Variants in CEP135 observed in about 807,000 individuals in gnomAD.
CEP135 encodes centrosomal protein of 135 kDa.
A neutral mutation model predicts 157.3 loss-of-function variants in CEP135; 142 were observed. That is an observed-to-expected ratio of 0.90 (90% CI 0.79 to 1.04). CEP135 has a LOEUF of 1.04. Among genes scored for constraint, CEP135 ranks in the 50% least tolerant of loss-of-function variants. The probability of loss-of-function intolerance (pLI) is 0.00; values close to 1 mark genes in which losing one functional copy is unlikely to be tolerated. For synonymous variants in CEP135, 396 were observed against 439.8 expected, an observed-to-expected ratio of 0.90 and a Z score of 1.25; for missense variants, 1,317 against 1,309.2, an observed-to-expected ratio of 1.01 and a Z score of -0.09.
chr4:55,981,210 T>G lies in CEP135; in HGVS notation c.1627-17T>G, dbSNP rs767151439. ...TACTAAAGTGCCTTTTTAATTTATATCTTTTCATTCTTTAAGGCTCAGGAA... is the reference window on the plus strand; with the variant it reads ...TACTAAAGTGCCTTTTTAATTTATAGCTTTTCATTCTTTAAGGCTCAGGAA... On this transcript the variant is annotated splice_polypyrimidine_tract_variant and intron_variant, in intron 12 of 25. Transcript: ENST00000257287. The G allele has an allele frequency of 1.3e-5, 21 of 1,558,656 alleles. No individual in the cohort carries two copies. In the South Asian group the frequency reaches 2.4e-4, roughly 18 times the overall value.
intron 25 of CEP135, among the ~76,000 whole-genome samples, chr4:56,024,950 C>T (rs1403400668): frequency 6.6e-6 from 1 of 151,532 alleles, no homozygotes; most frequent in Non-Finnish European, 1.5e-5. Flanking sequence ...CAAGCCTGGG[C>T]AACACAGTGA....
At chr4:56,008,225 T>C in intron 17 of CEP135, 102 bp from the exon 18 acceptor site, 2 of 787,330 alleles carry the variant, frequency 2.5e-6, no homozygotes, top group Non-Finnish European at 4.2e-6. Context: ...ATACTTTATA[T>C]AATTGAGCTG....
At chr4:56,026,379 A>C (rs1731159540) in intron 25 of CEP135, among the ~76,000 whole-genome samples, 1 of 152,202 alleles carries the variant, frequency 6.6e-6, no homozygotes, top group Admixed American at 6.6e-5. Flanking sequence ...GTCTAAAAGT[A>C]ACTGTCCTGA....
At chr4:56,028,714 A>G (rs1297571913) in intron 25 of CEP135, among the ~76,000 whole-genome samples, 3 of 152,120 alleles carry the variant, frequency 2.0e-5, no homozygotes, top group East Asian at 1.9e-4. Flanking sequence ...TTTTTTGACT[A>G]TCATATCTAA....
chr4:56,021,669 A>G (rs537609948), intron 24 of CEP135, among the ~76,000 whole-genome samples: 2 of 152,304 alleles, frequency 1.3e-5, no homozygotes, highest in African/African-American at 4.8e-5. Flanking sequence ...TATTTACGTC[A>G]AAACTTTGTA....
intron 25 of CEP135, among the ~76,000 whole-genome samples, chr4:56,025,083 G>A (rs1488508898): frequency 4.6e-5 from 7 of 152,046 alleles, no homozygotes; most frequent in South Asian, 2.1e-4. Flanking sequence ...GCTTGAGCCC[G>A]GAAGGTTGAG....
chr4:55,953,526 T>C (rs562258794), intron 3 of CEP135, among the ~76,000 whole-genome samples: 3 of 152,056 alleles, frequency 2.0e-5, no homozygotes, highest in African/African-American at 7.2e-5. Flanking sequence ...AAAGAAAATA[T>C]GGTACTCCTT....
chr4:56,014,888 A>G (rs904835241), intron 21 of CEP135, among the ~76,000 whole-genome samples: 2 of 151,936 alleles, frequency 1.3e-5, no homozygotes, highest in South Asian at 2.1e-4. Context: ...GCAAAACCCC[A>G]TCTCTACAAA....
intron 17 of CEP135, among the ~76,000 whole-genome samples, chr4:56,002,417 C>G (rs1730208516): frequency 2.0e-5 from 3 of 151,932 alleles, no homozygotes; most frequent in Non-Finnish European, 4.4e-5. Context: ...TTTCTGTACC[C>G]TTTGTTGAGG....
intron 15 of CEP135, 36 bp downstream of exon 15, chr4:55,992,121 G>A (rs1461447500): frequency 6.4e-7 from 1 of 1,574,366 alleles, no homozygotes; most frequent in African/African-American, 1.4e-5. Context: ...TTCATTTCTG[G>A]GAATGTGTTT....
intron 24 of CEP135, among the ~76,000 whole-genome samples, chr4:56,022,932 A>G (rs1284045460): frequency 6.6e-6 from 1 of 152,098 alleles, no homozygotes; most frequent in South Asian, 2.1e-4. Flanking sequence ...CCCTAGCTCT[A>G]AAAACATTCT....
At chr4:55,987,212 G>A (rs1186297465) in intron 14 of CEP135, among the ~76,000 whole-genome samples, 1 of 152,118 alleles carries the variant, frequency 6.6e-6, no homozygotes, top group African/African-American at 2.4e-5. Context: ...TGACTGATGG[G>A]CACAGGAACT....
intron 13 of CEP135, among the ~76,000 whole-genome samples, chr4:55,983,521 C>G (rs1417469914): frequency 2.0e-5 from 3 of 152,154 alleles, no homozygotes; most frequent in Non-Finnish European, 4.4e-5. Context: ...CCTATCAGTG[C>G]TATCTCTTGA....
At chr4:56,008,806 T>C (rs1245165761) in intron 18 of CEP135, among the ~76,000 whole-genome samples, 1 of 152,246 alleles carries the variant, frequency 6.6e-6, no homozygotes, top group Non-Finnish European at 1.5e-5. Context: ...AAGTCACTTA[T>C]TATATTTATT....
intron 14 of CEP135, among the ~76,000 whole-genome samples, chr4:55,987,791 G>T (rs1729637789): frequency 6.6e-6 from 1 of 152,126 alleles, no homozygotes; most frequent in Admixed American, 6.5e-5. Context: ...TATTTTAAAA[G>T]TTAAAATGTT....
intron 14 of CEP135, among the ~76,000 whole-genome samples, chr4:55,985,712 C>T (rs1039584407): frequency 3.3e-5 from 5 of 152,146 alleles, no homozygotes; most frequent in African/African-American, 7.2e-5. Flanking sequence ...CTGCCCACCT[C>T]GGCCTCCCAA....
chr4:56,010,327 A>T (rs968859338), intron 19 of CEP135, among the ~76,000 whole-genome samples: 1 of 145,742 alleles, frequency 6.9e-6, no homozygotes, highest in African/African-American at 2.6e-5. Flanking sequence ...GTGCCACTGC[A>T]CTCCAGCCTG....
At chr4:55,971,774 A>G (rs1391076426) in intron 10 of CEP135, among the ~76,000 whole-genome samples, 1 of 152,224 alleles carries the variant, frequency 6.6e-6, no homozygotes, top group Non-Finnish European at 1.5e-5. Context: ...CTTAAAATAC[A>G]CACACATAAA....
chr4:56,017,546 C>A, intron 21 of CEP135, 102 bp from the exon 22 acceptor site: 1 of 986,044 alleles, frequency 1.0e-6, no homozygotes. Context: ...CAAAAATTGG[C>A]TGTCATATTT....
Sources: gnomAD v4.1 joint callset for allele counts (sites outside exome capture counted in the v4.1 genomes callset) on GRCh38, gnomAD v4.1.1 for gene constraint, MANE v1.5 for transcripts, NCBI Gene and HGNC (gene_info 2026-07-23, HGNC 2026-07-21) for gene names.